The following PDE4D variants were observed in gnomAD, a reference collection of about 807,000 sequenced individuals.
PDE4D encodes 3',5'-cyclic-AMP phosphodiesterase 4D.
Under a neutral mutation model 87.4 loss-of-function variants are expected in PDE4D, and 24 were observed. The observed-to-expected ratio is 0.27, with a 90% confidence interval of 0.20 to 0.39. The LOEUF (loss-of-function observed/expected upper bound fraction) is 0.39. Among genes scored for constraint, PDE4D ranks in the 10% least tolerant of loss-of-function variants. The probability of loss-of-function intolerance (pLI) is 1.00; values close to 1 mark genes in which losing one functional copy is unlikely to be tolerated. For missense variants in PDE4D, 714 were observed against 1,041.0 expected (o/e 0.69, Z 4.32); for synonymous variants, 384 against 383.2 (o/e 1.00, Z -0.02).
intron 2 of PDE4D, among the ~76,000 whole-genome samples, chr5:60,110,252 A>G (rs1712968979): frequency 6.6e-6 from 1 of 152,150 alleles, no homozygotes; most frequent in Non-Finnish European, 1.5e-5. Context: ...GAATGGGAGA[A>G]AATATTTGCA....
At chr5:59,353,095 C>T (rs558616442) in intron 1 of PDE4D, among the ~76,000 whole-genome samples, 78 of 152,286 alleles carry the variant, frequency 5.1e-4, no homozygotes, top group Non-Finnish European at 9.0e-4. Context: ...ACTTTCTCTT[C>T]TATTTACATA....
At chr5:59,335,788 T>C (rs1274603193) in intron 1 of PDE4D, among the ~76,000 whole-genome samples, 1 of 152,176 alleles carries the variant, frequency 6.6e-6, no homozygotes, top group Non-Finnish European at 1.5e-5. Flanking sequence ...GATTGCTAAC[T>C]AACAATCAGG....
chr5:59,582,259 A>G (rs1212497681), intron 1 of PDE4D, among the ~76,000 whole-genome samples: 1 of 152,190 alleles, frequency 6.6e-6, no homozygotes, highest in Non-Finnish European at 1.5e-5. Context: ...CATTTCCTTC[A>G]ACGTATACAT....
chr5:59,658,567 G>C (rs960137396), intron 1 of PDE4D, among the ~76,000 whole-genome samples: 3 of 152,102 alleles, frequency 2.0e-5, no homozygotes, highest in Middle Eastern at 3.2e-3. Context: ...ATTTTTAGTA[G>C]AGATGGGGTT....
In PDE4D at chr5:59,611,888, AGACT is replaced by A. The variant is rs1829051506; in HGVS notation, c.455+281276_455+281279del. 1.1e-4 allele frequency among the ~76,000 whole-genome samples: 16 copies of A among 152,320 alleles called. No homozygotes were observed. In the South Asian group the frequency reaches 3.3e-3, roughly 32 times the overall value. On this transcript the variant is annotated intron_variant, in intron 1 of 14. Transcript: ENST00000340635. ...TCCACATCACTAAAGCCAATCAGCC[AGACT>A]GTCATTCTTACTCTGATGCTATTTA... is the stretch of plus-strand genomic sequence containing the variant.
intron 1 of PDE4D, among the ~76,000 whole-genome samples, chr5:59,640,469 T>C (rs1741390804): frequency 6.6e-6 from 1 of 152,232 alleles, no homozygotes; most frequent in Admixed American, 6.5e-5. Flanking sequence ...ATTTATCTCA[T>C]TCTTATGGCA....
chr5:59,334,012 C>T (rs1203390594), intron 1 of PDE4D, among the ~76,000 whole-genome samples: 1 of 151,984 alleles, frequency 6.6e-6, no homozygotes, highest in Non-Finnish European at 1.5e-5. Flanking sequence ...TTTACTGCTA[C>T]TTATTTGAAT....
chr5:60,409,303 T>C (rs1483926195), intron 1 of PDE4D, among the ~76,000 whole-genome samples: 1 of 151,962 alleles, frequency 6.6e-6, no homozygotes, highest in East Asian at 1.9e-4. Flanking sequence ...AATTATTACA[T>C]ACCCCAAAGC....
intron 1 of PDE4D, among the ~76,000 whole-genome samples, chr5:60,274,463 C>T (rs760161299): frequency 2.6e-5 from 4 of 152,072 alleles, no homozygotes; most frequent in Non-Finnish European, 2.9e-5. Flanking sequence ...CGGGTTCAAG[C>T]GATTCTCCTG....
At position 60,270,031 on chromosome 5, in the gene PDE4D, C is replaced by T. The variant is rs193296922; in HGVS notation, c.-89-84344G>A. The stretch of plus-strand genomic sequence containing the variant: ...AACATGAAGGTCCAGATACGGAACA[C>T]ATGCTAAAGGGAAATTGCCATAAGT... On this transcript the variant is annotated intron_variant, in intron 1 of 16. Coordinates refer to the PDE4D transcript ENST00000502484. Among the ~76,000 whole-genome samples the T allele has an allele frequency of 3.4e-3, 517 of 152,236 alleles. 18 individuals carry two copies. Among genetic ancestry groups the T allele is most frequent in the Non-Finnish European group, 9.7e-4 (66 of 68,010 alleles).
At chr5:59,914,914 T>A (rs1581718198) in intron 3 of PDE4D, among the ~76,000 whole-genome samples, 1 of 122,746 alleles carries the variant, frequency 8.1e-6, no homozygotes, top group South Asian at 2.6e-4. Context: ...TGTGTGTGTA[T>A]GTGTGTAAAA....
At chr5:59,479,040 G>A (rs374937107) in intron 1 of PDE4D, among the ~76,000 whole-genome samples, 16 of 152,084 alleles carry the variant, frequency 1.1e-4, no homozygotes, top group Admixed American at 2.6e-4. Flanking sequence ...CAAGAAACAC[G>A]TCATAAAATA....
At chr5:59,791,922 G>A (rs1765838045) in intron 1 of PDE4D, among the ~76,000 whole-genome samples, 2 of 152,188 alleles carry the variant, frequency 1.3e-5, no homozygotes, top group Admixed American at 1.3e-4. Flanking sequence ...GAGAGAATGT[G>A]TGAGAAACTG....
At chr5:60,469,191 A>G (rs940707608) in intron 1 of PDE4D, among the ~76,000 whole-genome samples, 1 of 152,090 alleles carries the variant, frequency 6.6e-6, no homozygotes, top group Non-Finnish European at 1.5e-5. Flanking sequence ...ACTCATCACT[A>G]TCCCAGGTCT....
chr5:59,911,250 T>C (rs1279797887), intron 3 of PDE4D, among the ~76,000 whole-genome samples: 1 of 152,190 alleles, frequency 6.6e-6, no homozygotes, highest in Admixed American at 6.5e-5. Flanking sequence ...CAGTTGCTCC[T>C]AGGGATAACA....
At chr5:59,249,005 A>T (rs1408026906) in intron 1 of PDE4D, among the ~76,000 whole-genome samples, 1 of 152,140 alleles carries the variant, frequency 6.6e-6, no homozygotes, top group Non-Finnish European at 1.5e-5. Flanking sequence ...AATAAATTTG[A>T]CTGTATAAAA....
intron 1 of PDE4D, among the ~76,000 whole-genome samples, chr5:59,627,104 A>G (rs926300173): frequency 1.3e-5 from 2 of 151,900 alleles, no homozygotes; most frequent in Non-Finnish European, 2.9e-5. Flanking sequence ...CATTCAGGCA[A>G]TAAGAATTAG....
chr5:59,719,482 C>T (rs7708246), intron 1 of PDE4D, among the ~76,000 whole-genome samples: 10,239 of 152,024 alleles, frequency 0.067, 1,061 homozygotes, highest in African/African-American at 0.22. Context: ...TATTTAATTA[C>T]GGGTTTATAT....
intron 1 of PDE4D, among the ~76,000 whole-genome samples, chr5:60,309,956 T>C (rs1044772108): frequency 2.6e-5 from 4 of 152,214 alleles, no homozygotes; most frequent in Non-Finnish European, 5.9e-5. Context: ...ATCCATAATC[T>C]AATATATAAG....
Sources: gnomAD v4.1 joint callset for allele counts (sites outside exome capture counted in the v4.1 genomes callset) on GRCh38, gnomAD v4.1.1 for gene constraint, MANE v1.5 for transcripts, NCBI Gene and HGNC (gene_info 2026-07-23, HGNC 2026-07-21) for gene names.